DMGDH: variants seen among roughly 807,000 people sequenced by gnomAD.
DMGDH encodes the protein dimethylglycine dehydrogenase, mitochondrial.
In DMGDH, 76 loss-of-function variants were observed where a neutral mutation model predicts 95.2. The observed-to-expected ratio is 0.80, with a 90% confidence interval of 0.66 to 0.97. DMGDH has a LOEUF of 0.97. DMGDH is among the 50% of genes least tolerant of loss of function. The probability of loss-of-function intolerance (pLI) is 0.00; values close to 1 mark genes in which losing one functional copy is unlikely to be tolerated. For missense variants in DMGDH, 987 were observed against 1,055.0 expected, an observed-to-expected ratio of 0.94 and a Z score of 0.89; for synonymous variants, 345 against 377.6, an observed-to-expected ratio of 0.91 and a Z score of 1.00.
At chr5:79,006,442 G>C (rs1273357338) in intron 14 of DMGDH, among the ~76,000 whole-genome samples, 1 of 152,206 alleles carries the variant, frequency 6.6e-6, no homozygotes, top group Non-Finnish European at 1.5e-5. Flanking sequence ...CTGAGAGTGA[G>C]CGCCCTGGAG....
intron 14 of DMGDH, among the ~76,000 whole-genome samples, chr5:79,010,374 C>T (rs1753628907): frequency 1.3e-5 from 2 of 152,152 alleles, no homozygotes; most frequent in African/African-American, 4.8e-5. Flanking sequence ...CTATAAGACA[C>T]TGGGTAGAGA....
At chr5:79,056,145 A>G (rs1580227035) in intron 2 of DMGDH, among the ~76,000 whole-genome samples, 1 of 132,240 alleles carries the variant, frequency 7.6e-6, no homozygotes, top group Non-Finnish European at 1.5e-5. Context: ...ATAAACATAC[A>G]TGTTAAGTCC....
rs73130165 is a variant in DMGDH, at chr5:79,010,312, T to C, written c.2251-4905A>G. Among the ~76,000 whole-genome samples, 168 of 152,270 alleles carry C rather than the reference T, an allele frequency of 1.1e-3. 1 individual carries two copies. The highest frequency in any genetic ancestry group is 4.0e-3 in the African/African-American group (167 of 41,550). On this transcript the variant is annotated intron_variant, in intron 14 of 15. Transcript: ENST00000255189. The stretch of plus-strand genomic sequence containing the variant: ...TCTGAGATATGTAGTTAAAATCAAA[T>C]TTGACAGCAGCACGGTAGGCAGGGT...
intron 7 of DMGDH, among the ~76,000 whole-genome samples, chr5:79,036,992 A>G (rs1754364648): frequency 6.6e-6 from 1 of 151,822 alleles, no homozygotes; most frequent in Non-Finnish European, 1.5e-5. Context: ...CTATGAGGAG[A>G]CACCAGAGAG....
intron 14 of DMGDH, among the ~76,000 whole-genome samples, chr5:79,019,087 A>T (rs1447215882): frequency 6.6e-6 from 1 of 152,210 alleles, no homozygotes; most frequent in East Asian, 1.9e-4. Flanking sequence ...CAATGTCTTC[A>T]ACCACTGTGT....
Position 79,063,773 on chromosome 5 carries a change from G to A in DMGDH, c.116C>T (p.Pro39Leu). 13 of 1,614,098 alleles carry A rather than the reference G, an allele frequency of 8.1e-6. No homozygotes were observed. Among genetic ancestry groups the A allele is most frequent in the African/African-American group, 1.3e-5 (1 of 74,998 alleles). The stretch of plus-strand genomic sequence containing the variant: ...TTTCCATTGTGTTTCTGCAGATAAG[G>A]GTGGTTTTTCCTCTCTGGAAGAGGG... ...VCGREGEEKP[P>L]LSAETQWKDR... is the part of the protein sequence containing the mutation. Residue 39 changes from proline (P) to leucine (L), a missense_variant, in exon 2 of 16, where the codon CCC becomes CTC. Pro to Leu is a moderately conservative substitution (Grantham distance 98, BLOSUM62 -3). Coordinates refer to ENST00000255189, the MANE Select transcript of DMGDH (RefSeq NM_013391.3).
intron 7 of DMGDH, among the ~76,000 whole-genome samples, chr5:79,034,450 T>C (rs1486041120): frequency 6.6e-6 from 1 of 152,176 alleles, no homozygotes; most frequent in Non-Finnish European, 1.5e-5. Context: ...GGGTTTTACA[T>C]TGGCCATGTG....
chr5:79,050,264 AAAAAAAAAAATATAT>A (rs1462894933), intron 5 of DMGDH, among the ~76,000 whole-genome samples: 75 of 55,650 alleles, frequency 1.3e-3, no homozygotes, highest in Non-Finnish European at 1.7e-3. Flanking sequence ...AAAAAAAAAA[AAAAAAAAAAATATAT>A]ATATATATAT....
chr5:79,017,615 C>G (rs1753759437), intron 14 of DMGDH, among the ~76,000 whole-genome samples: 1 of 152,096 alleles, frequency 6.6e-6, no homozygotes, highest in Non-Finnish European at 1.5e-5. Context: ...ACAAAGTTAC[C>G]ATACACTTTC....
chr5:79,019,692 C>A (rs1753815568), intron 14 of DMGDH, among the ~76,000 whole-genome samples: 1 of 152,076 alleles, frequency 6.6e-6, no homozygotes, highest in Admixed American at 6.5e-5. Context: ...CAAGACCAAC[C>A]TGGCCAACAA....
chr5:79,013,667 C>T (rs771282214), intron 14 of DMGDH, among the ~76,000 whole-genome samples: 1 of 152,122 alleles, frequency 6.6e-6, no homozygotes, highest in African/African-American at 2.4e-5. Context: ...GTAGACTATA[C>T]AGGAAGCAAG....
At chr5:79,059,394 C>T (rs73132156) in intron 2 of DMGDH, among the ~76,000 whole-genome samples, 10,849 of 152,242 alleles carry the variant, frequency 0.071, 864 homozygotes, top group African/African-American at 0.18. Flanking sequence ...GTCTCTGCAT[C>T]CTGACACCCC....
chr5:79,020,407 A>G (rs1285541729), intron 14 of DMGDH, among the ~76,000 whole-genome samples: 1 of 152,174 alleles, frequency 6.6e-6, no homozygotes, highest in African/African-American at 2.4e-5. Context: ...TTTGACCACT[A>G]TATTAACAAT....
At chr5:79,053,181 C>G (rs1309968588) in intron 4 of DMGDH, among the ~76,000 whole-genome samples, 1 of 152,144 alleles carries the variant, frequency 6.6e-6, no homozygotes, top group Non-Finnish European at 1.5e-5. Flanking sequence ...GAGACAGGCT[C>G]TCACTTCGTT....
chr5:79,016,908 T>C (rs1272012525), intron 14 of DMGDH, among the ~76,000 whole-genome samples: 1 of 152,052 alleles, frequency 6.6e-6, no homozygotes. Context: ...GATATAAACA[T>C]ACTGACGAAG....
chr5:79,025,547 A>G (rs1025684883), intron 13 of DMGDH, among the ~76,000 whole-genome samples: 7 of 152,154 alleles, frequency 4.6e-5, no homozygotes, highest in African/African-American at 1.7e-4. Flanking sequence ...TCTCTCTACT[A>G]TCTATGATAA....
chr5:79,014,257 C>A (rs1753691271), intron 14 of DMGDH, among the ~76,000 whole-genome samples: 1 of 152,128 alleles, frequency 6.6e-6, no homozygotes, highest in Non-Finnish European at 1.5e-5. Context: ...CTAAAGCCCC[C>A]ATTACATGTC....
In DMGDH at chr5:79,028,613, C is replaced by T; in HGVS notation, c.1852G>A (p.Val618Ile). ...EEEAVKGGYD[V>I]EIKNITDELG... ...TCATCAGTTATGTTTTTAATTTCAA[C>T]ATCATATCCACCTTTGACTGCTTCT... Residue 618 changes from valine to isoleucine, a missense_variant, in exon 12 of 16, where the codon GTT becomes ATT. Transcript: ENST00000255189. The T allele has an allele frequency of 1.2e-6, 2 of 1,614,150 alleles. No homozygotes were observed. The highest frequency in any genetic ancestry group is 1.3e-5 in the African/African-American group (1 of 75,048).
intron 7 of DMGDH, among the ~76,000 whole-genome samples, chr5:79,040,064 T>C (rs1377604244): frequency 1.3e-5 from 2 of 152,078 alleles, no homozygotes; most frequent in Non-Finnish European, 2.9e-5. Context: ...TTCTAGCAAA[T>C]TATCAAATCT....
Sources: gnomAD v4.1 joint callset for allele counts (sites outside exome capture counted in the v4.1 genomes callset) on GRCh38, gnomAD v4.1.1 for gene constraint, MANE v1.5 for transcripts, NCBI Gene and HGNC (gene_info 2026-07-23, HGNC 2026-07-21) for gene names.